Variants in FUT8 observed in about 807,000 individuals in gnomAD.
FUT8 encodes the protein fucosyltransferase 8, also known as alpha-(1,6)-fucosyltransferase.
Under a neutral mutation model 71.3 loss-of-function variants are expected in FUT8, and 29 were observed. The observed-to-expected ratio is 0.41, with a 90% CI of 0.30 to 0.55. The LOEUF (loss-of-function observed/expected upper bound fraction) is 0.55, where lower values mean the gene tolerates loss of function less well. Among genes scored for constraint, FUT8 ranks in the 20% least tolerant of loss-of-function variants. FUT8 has a pLI of 0.34. For synonymous variants in FUT8, 254 were observed against 239.3 expected (o/e 1.06, Z -0.57); for missense variants, 544 against 702.1 (o/e 0.77, Z 2.55).
chr14:65,712,261 T>C (rs757311996), intron 7 of FUT8, among the ~76,000 whole-genome samples: 12 of 152,340 alleles, frequency 7.9e-5, no homozygotes, highest in Non-Finnish European at 1.5e-4. Flanking sequence ...ATTATACTTA[T>C]CATTGGATTA....
chr14:65,384,169 G>A, the FUT8 span, among the ~76,000 whole-genome samples: 2 of 152,180 alleles, frequency 1.3e-5, no homozygotes, highest in African/African-American at 4.8e-5. The surrounding 1 kb of genome is among the most constrained non-coding windows in gnomAD (Gnocchi z 4.2). Context: ...GGCAGTGAGA[G>A]GTGGGGAATA....
chr14:65,558,590 A>G (rs1194177709), intron 2 of FUT8, among the ~76,000 whole-genome samples: 4 of 152,194 alleles, frequency 2.6e-5, no homozygotes, highest in African/African-American at 7.2e-5. Context: ...GGGATACATC[A>G]GTGAACACAA....
chr14:65,459,785 C>G (rs530753355), intron 2 of FUT8, among the ~76,000 whole-genome samples: 11 of 152,218 alleles, frequency 7.2e-5, no homozygotes, highest in African/African-American at 2.4e-4. Context: ...TTCACGAACA[C>G]TGCCAGGCCT....
intron 3 of FUT8, among the ~76,000 whole-genome samples, chr14:65,570,509 A>G (rs1718170796): frequency 1.3e-5 from 2 of 151,910 alleles, no homozygotes. Flanking sequence ...ATAACTACAT[A>G]TACTCCTACA....
rs1191197863 is a variant in FUT8 at position 65,550,297 on chromosome 14, A to G, written c.-227-11040A>G. ...TGTGTGTTCTGATGAACCCATCATA[A>G]GTTGAAAGTATCATGAGTCGCAATA... is the stretch of plus-strand genomic sequence containing the variant. On this transcript the variant is annotated intron_variant, in intron 2 of 10. Transcript: ENST00000673929. This position sits in a 1 kb window ranked among gnomAD's most constrained non-coding sequence, Gnocchi z 4.5. 1.3e-5 allele frequency among the ~76,000 whole-genome samples: 2 copies of G among 152,142 alleles called. No individual in the cohort carries two copies.
the FUT8 span, among the ~76,000 whole-genome samples, chr14:65,363,176 C>G: frequency 2.0e-5 from 3 of 152,086 alleles, no homozygotes; most frequent in Non-Finnish European, 4.4e-5. Flanking sequence ...GGCTGGTGTA[C>G]AGTGGTGTGA....
chr14:65,506,877 C>G (rs887242044), intron 2 of FUT8, among the ~76,000 whole-genome samples: 1 of 152,146 alleles, frequency 6.6e-6, no homozygotes, highest in Admixed American at 6.5e-5. Flanking sequence ...CGGGGTCTGC[C>G]CATAGACCCT....
At chr14:65,543,680 A>G (rs1355167838) in intron 2 of FUT8, among the ~76,000 whole-genome samples, 1 of 152,166 alleles carries the variant, frequency 6.6e-6, no homozygotes, top group Non-Finnish European at 1.5e-5. Context: ...CTAAGCTGGT[A>G]ATGGGAATCT....
At chr14:65,521,865 C>A (rs1045174272) in intron 2 of FUT8, among the ~76,000 whole-genome samples, 8 of 124,620 alleles carry the variant, frequency 6.4e-5, no homozygotes, top group Non-Finnish European at 1.1e-4. Context: ...GAGGAATCTT[C>A]TTCTTTTTTT....
chr14:65,439,952 GTGTATATATATATATATATATATA>G (rs1180619423), intron 1 of FUT8, among the ~76,000 whole-genome samples: 3 of 38,224 alleles, frequency 7.8e-5, no homozygotes, highest in Non-Finnish European at 1.1e-4. Flanking sequence ...GTGTGTGTGT[GTGTATATATATATATATATATATA>G]TATATATATA....
Position 65,467,349 on chromosome 14 carries a change from G to A in FUT8, c.-228+11631G>A, listed in dbSNP as rs2139611549. ...GTCTCATTCTGTTACTCAGGCTGGA[G>A]TGCAGTGGCACGATCTTGGCTCACT... On this transcript the variant is annotated intron_variant, in intron 2 of 10. Transcript: ENST00000673929. The surrounding 1 kb of genome is among the most constrained non-coding windows in gnomAD (Gnocchi z 4.1). Among the ~76,000 whole-genome samples the A allele has an allele frequency of 6.6e-6, 1 of 152,248 alleles. No individual in the cohort carries two copies. The highest frequency in any genetic ancestry group is 2.1e-4 in the South Asian group (1 of 4,828).
At chr14:65,439,972 A>ATATATATATATATATT (rs2065624878) in intron 1 of FUT8, among the ~76,000 whole-genome samples, 1 of 135,546 alleles carries the variant, frequency 7.4e-6, no homozygotes, top group South Asian at 2.4e-4. Context: ...ATATATATAT[A>ATATATATATATATATT]TATATATATA....
chr14:65,402,848 C>A, the FUT8 span, among the ~76,000 whole-genome samples: 1 of 152,144 alleles, frequency 6.6e-6, no homozygotes, highest in African/African-American at 2.4e-5. Flanking sequence ...TACAAGTTAA[C>A]CCCACTTGAC....
intron 2 of FUT8, among the ~76,000 whole-genome samples, chr14:65,499,512 T>G (rs1465055941): frequency 6.6e-6 from 1 of 152,074 alleles, no homozygotes; most frequent in Admixed American, 6.6e-5. Context: ...GATGATTAAA[T>G]CAATTTGTAA....
intron 5 of FUT8, among the ~76,000 whole-genome samples, chr14:65,620,890 A>T (rs1889572613): frequency 6.6e-6 from 1 of 152,220 alleles, no homozygotes; most frequent in South Asian, 2.1e-4. Context: ...TCATGTGCAA[A>T]GGGATACATT....
Position 65,641,732 on chromosome 14 carries a change from G to GT in FUT8, c.597+12135dup, listed in dbSNP as rs199802631. On this transcript the variant is annotated intron_variant, in intron 6 of 10. Coordinates refer to ENST00000673929, the MANE Select transcript of FUT8 (RefSeq NM_001371533.1). The stretch of plus-strand genomic sequence containing the variant: ...AGTGTATGTGTAGGGGTATGTCATG[G>GT]TTTTTTTTTGTGTGTATGTGGTTTT... Among the ~76,000 whole-genome samples the GT allele has an allele frequency of 8.4e-3, 1,152 of 137,670 alleles. 9 individuals carry two copies. The highest frequency in any genetic ancestry group is 0.025 in the African/African-American group (947 of 37,934). 90.3% of individuals were successfully genotyped at this position (137,670 alleles called of 152,430 possible).
Position 65,742,587 on chromosome 14 carries a change from T to A in FUT8, c.*177T>A, listed in dbSNP as rs1896559264. On this transcript the variant is annotated 3_prime_UTR_variant, in exon 11 of 11. Coordinates refer to ENST00000673929, the MANE Select transcript of FUT8 (RefSeq NM_001371533.1). ...CATAGGCTTCAATTGGTGGAATTCC[T>A]CTTTAACAAGGGCTGCAATGCCCTC... 1.7e-6 allele frequency: 1 copy of A among 602,526 alleles called. No homozygotes were observed. The highest frequency in any genetic ancestry group is 1.9e-5 in the African/African-American group (1 of 53,698). The allele number at this position is 602,526 out of a possible 1,614,324, so 37.3% of individuals were successfully genotyped here.
chr14:65,608,036 GCC>G lies in FUT8; in HGVS notation c.204-7941_204-7940del, dbSNP rs1451452541. On this transcript the variant is annotated intron_variant, in intron 3 of 10. Coordinates refer to ENST00000673929, the MANE Select transcript of FUT8 (RefSeq NM_001371533.1). ...GCCGAGATTGTGCCACTGCACTCCA[GCC>G]TGGCAACAAAGCTAGACTCCGTCTC... 1.0e-4 allele frequency among the ~76,000 whole-genome samples: 14 copies of G among 135,280 alleles called. 1 individual carries two copies. The highest frequency in any genetic ancestry group is 2.8e-4 in the African/African-American group (10 of 35,332). 88.7% of individuals were successfully genotyped at this position (135,280 alleles called of 152,430 possible). A position where few individuals can be genotyped will look rare whatever the true frequency, so the allele number is the denominator to read the frequency against.
chr14:65,395,574 C>T, the FUT8 span, among the ~76,000 whole-genome samples: 18 of 152,256 alleles, frequency 1.2e-4, no homozygotes, highest in Non-Finnish European at 2.1e-4. Context: ...ACCTTGTCCC[C>T]TTTTAACCAT....
Sources: gnomAD v4.1 joint callset for allele counts (sites outside exome capture counted in the v4.1 genomes callset) on GRCh38, gnomAD v4.1.1 for gene constraint, Gnocchi (gnomAD v3.1) non-coding constraint, MANE v1.5 for transcripts, NCBI Gene and HGNC (gene_info 2026-07-23, HGNC 2026-07-21) for gene names.